AIF1L: variants seen among roughly 807,000 people sequenced by gnomAD.
AIF1L encodes allograft inflammatory factor 1-like.
Under a neutral mutation model 20.7 loss-of-function variants are expected in AIF1L, and 12 were observed. That is an observed-to-expected ratio of 0.58 (90% confidence interval 0.37 to 0.94). The LOEUF (loss-of-function observed/expected upper bound fraction) is 0.94, where lower values mean the gene tolerates loss of function less well. AIF1L is among the 40% of genes least tolerant of loss of function. The pLI, the probability that AIF1L is intolerant of heterozygous loss-of-function variation, is 0.01. For missense variants in AIF1L, 173 were observed against 185.3 expected, an observed-to-expected ratio of 0.93 and a Z score of 0.39; for synonymous variants, 76 against 65.1, an observed-to-expected ratio of 1.17 and a Z score of -0.81.
At chr9:131,096,711 G>T (rs1342304832) in intron 1 of AIF1L, 51 bp downstream of exon 1, 7 of 1,447,284 alleles carry the variant, frequency 4.8e-6, no homozygotes, top group Non-Finnish European at 6.3e-6. Flanking sequence ...GGCGGACCGC[G>T]GGGTCCACCG....
chr9:131,114,314 T>C, intron 3 of AIF1L: 1 of 461,420 alleles, frequency 2.2e-6, no homozygotes, highest in South Asian at 2.3e-5. Flanking sequence ...AGAAAGCAGC[T>C]GCCCTCCTGG....
intron 2 of AIF1L, 87 bp downstream of exon 2, chr9:131,096,950 T>G: frequency 7.3e-7 from 1 of 1,375,418 alleles, no homozygotes; most frequent in Non-Finnish European, 9.6e-7. Context: ...CGTGCCCGCC[T>G]CCAGATCTAC....
chr9:131,103,787 C>T (rs1047701821), intron 2 of AIF1L, among the ~76,000 whole-genome samples: 8 of 152,130 alleles, frequency 5.3e-5, no homozygotes, highest in African/African-American at 1.2e-4. Context: ...GTAAAGTTGC[C>T]CTGCCCAGAG....
intron 3 of AIF1L, 88 bp downstream of exon 3, chr9:131,111,751 G>A (rs151195400): frequency 1.5e-6 from 2 of 1,305,486 alleles, no homozygotes; most frequent in African/African-American, 2.9e-5. Context: ...CAGCCCCACA[G>A]GACTAGGCTG....
chr9:131,114,443 A>G (rs1830962986), intron 3 of AIF1L, 134 bp from the exon 4 acceptor site: 2 of 969,270 alleles, frequency 2.1e-6, no homozygotes, highest in Non-Finnish European at 3.3e-6. Flanking sequence ...GACTCAGGTC[A>G]AGACCCTTGG....
Position 131,114,397 on chromosome 9 carries a change from G to A in AIF1L, c.161-180G>A, listed in dbSNP as rs910679284. ...TAGGAGAGTAGTCCAGGCAGGATGA[G>A]CTCTTTCCCCAGAGGCCATGGCTCA... On this transcript the variant is annotated intron_variant, in intron 3 of 5. Transcript: ENST00000247291. The A allele has an allele frequency of 6.2e-6, 4 of 648,194 alleles. No individual in the cohort carries two copies. In the African/African-American group the frequency reaches 7.2e-5, roughly 12 times the overall value. 40.2% of individuals were successfully genotyped at this position (648,194 alleles called of 1,614,324 possible).
Position 131,121,023 on chromosome 9 carries a change from C to T in AIF1L, c.*701C>T. On this transcript the variant is annotated 3_prime_UTR_variant, in exon 6 of 6. Coordinates refer to ENST00000247291, the MANE Select transcript of AIF1L (RefSeq NM_031426.4). Reference sequence around the variant, plus strand: ...GAGGCAGCGTGCAGCCCTACTGTCCCTTACTGGGGCAGCAGAGGGCTTCGG... The same window carrying T: ...GAGGCAGCGTGCAGCCCTACTGTCCTTTACTGGGGCAGCAGAGGGCTTCGG... 1.5e-6 allele frequency: 1 copy of T among 685,110 alleles called. No individual in the cohort carries two copies. The highest frequency in any genetic ancestry group is 2.7e-6 in the Non-Finnish European group (1 of 367,800). 42.4% of individuals were successfully genotyped at this position (685,110 alleles called of 1,614,324 possible). A position where few individuals can be genotyped will look rare whatever the true frequency, so the allele number is the denominator to read the frequency against.
intron 2 of AIF1L, among the ~76,000 whole-genome samples, chr9:131,102,044 G>A (rs1192128368): frequency 6.6e-6 from 1 of 152,104 alleles, no homozygotes; most frequent in Non-Finnish European, 1.5e-5. Flanking sequence ...AGCCTCCCGA[G>A]TAGCTGGGAT....
At chr9:131,111,548 G>T in intron 2 of AIF1L, 49 bp from the exon 3 acceptor site, 1 of 1,564,188 alleles carries the variant, frequency 6.4e-7, no homozygotes, top group South Asian at 1.1e-5. Flanking sequence ...ATGTGTGGGT[G>T]ACTTCTGTCC....
In AIF1L at chr9:131,120,452, A is replaced by G. The variant is rs1450118986; in HGVS notation, c.*130A>G. On this transcript the variant is annotated 3_prime_UTR_variant, in exon 6 of 6. Transcript: ENST00000247291. ...TTGAGGGTTTGTTTGTGTTTTCATCAATGTCTTTGTAAAGCACAAATTATC... is the reference window on the plus strand; with the variant it reads ...TTGAGGGTTTGTTTGTGTTTTCATCGATGTCTTTGTAAAGCACAAATTATC... 1.9e-5 allele frequency: 15 copies of G among 785,144 alleles called. No individual in the cohort carries two copies. The highest frequency in any genetic ancestry group is 3.3e-5 in the Admixed American group (1 of 30,376). The allele number at this position is 785,144 out of a possible 1,614,324, so 48.6% of individuals were successfully genotyped here.
chr9:131,109,181 C>T (rs1303734741), intron 2 of AIF1L, among the ~76,000 whole-genome samples: 1 of 126,664 alleles, frequency 7.9e-6, no homozygotes. Flanking sequence ...TGTGTCCCCC[C>T]AGAATGTTGA....
At chr9:131,106,887 GGAATTTGA>G (rs1321852446) in intron 2 of AIF1L, among the ~76,000 whole-genome samples, 1 of 152,204 alleles carries the variant, frequency 6.6e-6, no homozygotes, top group Non-Finnish European at 1.5e-5. Flanking sequence ...CCTGAGGTCA[GGAATTTGA>G]GACCGAACTG....
In AIF1L at chr9:131,114,695, G is replaced by A. The variant is rs1830969952; in HGVS notation, c.202+77G>A. The A allele has an allele frequency of 3.8e-6, 6 of 1,564,072 alleles. No individual in the cohort carries two copies. In the South Asian group the frequency reaches 5.6e-5, roughly 14 times the overall value. Reference sequence around the variant, plus strand: ...GGCTTGAGGGACCCTCTGTGCGGGTGAGGGGCATGGGGCAGTCCGGAAGGC... The same window carrying A: ...GGCTTGAGGGACCCTCTGTGCGGGTAAGGGGCATGGGGCAGTCCGGAAGGC... On this transcript the variant is annotated intron_variant, in intron 4 of 5. Transcript: ENST00000247291.
chr9:131,097,896 TG>T, intron 2 of AIF1L, among the ~76,000 whole-genome samples: 1 of 152,226 alleles, frequency 6.6e-6, no homozygotes. Flanking sequence ...TTTCCTGAGG[TG>T]GATGTCTCCC....
chr9:131,117,849 TC>T lies in AIF1L; in HGVS notation c.297del (p.Ser100ValfsTer10). ...KKMISEVTGG[V>X]SDTISYRDFV... ...ATGATCTCAGAGGTGACAGGAGGGG[TC>T]AGTGACACTATATCCTACCGAGACT... On this transcript the variant is annotated frameshift_variant, in exon 5 of 6. Coordinates refer to ENST00000247291, the MANE Select transcript of AIF1L (RefSeq NM_031426.4). LOFTEE classifies it high-confidence loss of function. 1 of 1,613,740 alleles carries T rather than the reference TC, an allele frequency of 6.2e-7. No homozygotes were observed. Among genetic ancestry groups the T allele is most frequent in the Non-Finnish European group, 8.5e-7 (1 of 1,179,924 alleles).
chr9:131,106,985 G>A (rs1347153459), intron 2 of AIF1L, among the ~76,000 whole-genome samples: 1 of 152,042 alleles, frequency 6.6e-6, no homozygotes, highest in Non-Finnish European at 1.5e-5. Flanking sequence ...CCCAGCTACT[G>A]GGGAGGCTGA....
At chr9:131,102,191 G>A (rs1466854347) in intron 2 of AIF1L, among the ~76,000 whole-genome samples, 3 of 152,152 alleles carry the variant, frequency 2.0e-5, no homozygotes, top group Non-Finnish European at 2.9e-5. Flanking sequence ...GGGATTGCAG[G>A]TATGAGCCAC....
chr9:131,114,754 C>G (rs1830971722), intron 4 of AIF1L, 136 bp downstream of exon 4: 2 of 1,136,246 alleles, frequency 1.8e-6, no homozygotes, highest in African/African-American at 3.1e-5. Flanking sequence ...AGCCCCAGCC[C>G]CTTGCCTTCT....
chr9:131,106,295 T>A lies in AIF1L; in HGVS notation c.94-5302T>A, dbSNP rs1463393070. ...GTTAGTTAACCTGAGTCTCAACTCC[T>A]CCACTCATCCTGCACATGTTTATTG... On this transcript the variant is annotated intron_variant, in intron 2 of 5. Coordinates refer to ENST00000247291, the MANE Select transcript of AIF1L (RefSeq NM_031426.4). 3 of 1,385,910 alleles carry A rather than the reference T, an allele frequency of 2.2e-6. No individual in the cohort carries two copies. The East Asian group carries it at 7.5e-5, about 34-fold the overall frequency. The allele number at this position is 1,385,910 out of a possible 1,614,324, so 85.9% of individuals were successfully genotyped here.
Sources: allele counts gnomAD v4.1 joint callset (sites outside exome capture counted in the v4.1 genomes callset), GRCh38; gene constraint gnomAD v4.1.1; transcripts MANE v1.5; gene names NCBI Gene and HGNC (gene_info 2026-07-23, HGNC 2026-07-21).